DNAAF9: variants seen among roughly 807,000 people sequenced by gnomAD.
DNAAF9 encodes the protein dynein axonemal assembly factor 9, also known as shulin.
DNAAF9 carries 90 observed loss-of-function variants against 167.0 expected under a neutral mutation model. That is an observed-to-expected ratio of 0.54 (90% CI 0.45 to 0.64). The LOEUF (loss-of-function observed/expected upper bound fraction) is 0.64. Among genes scored for constraint, DNAAF9 ranks in the 30% least tolerant of loss-of-function variants. DNAAF9 has a pLI of 0.00. For synonymous variants in DNAAF9, 491 were observed against 508.8 expected (o/e 0.96, Z 0.47); for missense variants, 1,315 against 1,442.2 (o/e 0.91, Z 1.43).
At chr20:3,394,944 TTTTTC>T (rs2083881268) in intron 1 of DNAAF9, among the ~76,000 whole-genome samples, 3 of 114,426 alleles carry the variant, frequency 2.6e-5, no homozygotes, top group African/African-American at 1.2e-4. Flanking sequence ...AACATTTTCT[TTTTTC>T]TTTTTTTTTT....
chr20:3,340,447 CCA>C, intron 10 of DNAAF9, 55 bp downstream of exon 10: 1 of 366,990 alleles, frequency 2.7e-6, no homozygotes, highest in Non-Finnish European at 4.4e-6. Context: ...CCCACCCACC[CCA>C]CCCCCACAAC....
At chr20:3,328,613 G>C (rs1166559739) in intron 12 of DNAAF9, among the ~76,000 whole-genome samples, 1 of 152,102 alleles carries the variant, frequency 6.6e-6, no homozygotes. Flanking sequence ...TTTGGTTTAG[G>C]CAAAATGTTT....
chr20:3,362,138 G>T, intron 6 of DNAAF9: 1 of 1,393,244 alleles, frequency 7.2e-7, no homozygotes, highest in Non-Finnish European at 1.0e-6. Flanking sequence ...CTGTATATTC[G>T]GTTTTCATAA....
rs1389050837 is a variant in DNAAF9 at position 3,250,502 on chromosome 20, T to G, written c.*2070A>C. On this transcript the variant is annotated 3_prime_UTR_variant, in exon 37 of 37. Coordinates refer to ENST00000252032, the MANE Select transcript of DNAAF9 (RefSeq NM_001009984.3). ...ATGCTTCTTCACGTTTTGACTTTTT[T>G]CAATCACAGTTTCATATTCAAGTTG... 6.6e-6 allele frequency: 1 copy of G among 152,250 alleles called. No individual in the cohort carries two copies. The highest frequency in any genetic ancestry group is 1.5e-5 in the Non-Finnish European group (1 of 68,052). 9.4% of individuals were successfully genotyped at this position (152,250 alleles called of 1,614,324 possible). A position where few individuals can be genotyped will look rare whatever the true frequency, so the allele number is the denominator to read the frequency against.
intron 23 of DNAAF9, among the ~76,000 whole-genome samples, chr20:3,295,229 G>A (rs899913003): frequency 5.9e-5 from 9 of 151,622 alleles, no homozygotes; most frequent in Admixed American, 3.9e-4. Flanking sequence ...CTGGAATGCA[G>A]TGGCACGATC....
In DNAAF9 at chr20:3,316,711, A is replaced by C; in HGVS notation, c.1539+12T>G. On this transcript the variant is annotated intron_variant, in intron 18 of 36. Coordinates refer to ENST00000252032, the MANE Select transcript of DNAAF9 (RefSeq NM_001009984.3). Reference sequence around the variant, plus strand: ...CACGTAGGTCCACTTCCACCTGATGAATGACACTAACCAGCCAGGAGCAGA... The same window carrying C: ...CACGTAGGTCCACTTCCACCTGATGCATGACACTAACCAGCCAGGAGCAGA... 6.2e-7 allele frequency: 1 copy of C among 1,604,480 alleles called. No homozygotes were observed. Among genetic ancestry groups the C allele is most frequent in the Non-Finnish European group, 8.5e-7 (1 of 1,171,486 alleles).
At chr20:3,340,454 C>CCCCCCCCCTTAAA in intron 10 of DNAAF9, 50 bp downstream of exon 10, 1 of 1,053,078 alleles carries the variant, frequency 9.5e-7, no homozygotes, top group Admixed American at 2.4e-5. Context: ...ACCCCACCCC[C>CCCCCCCCCTTAAA]ACAACTTGAT....
rs1235887147 is a variant in DNAAF9, at chr20:3,382,499, G to T, written c.91C>A (p.Arg31=). ...SRGSPSVSCS[R]LRQVQSILTQ... ...AGGATGCTCTGAACCTGCCGAAGTC[G>T]ACTGCAGCTGCAACAAGAACAGAAA... The change falls in exon 2 of 37, where the codon CGA becomes AGA. Residue 31 remains arginine, a synonymous_variant. Transcript: ENST00000252032. 3 of 1,613,566 alleles carry T rather than the reference G, an allele frequency of 1.9e-6. No homozygotes were observed. The highest frequency in any genetic ancestry group is 2.2e-5 in the South Asian group (2 of 91,048).
chr20:3,261,493 G>A (rs1050721345), intron 31 of DNAAF9, among the ~76,000 whole-genome samples: 4 of 151,376 alleles, frequency 2.6e-5, no homozygotes, highest in Admixed American at 6.6e-5. Context: ...TCAGCCTCCC[G>A]AGTAGCTGGG....
rs187790320 is a variant in DNAAF9 at position 3,261,477 on chromosome 20, T to G, written c.2874-1449A>C. On this transcript the variant is annotated intron_variant, in intron 31 of 36. Transcript: ENST00000252032. ...TCCACCTCCCAGGTTCAAGCAATTC[T>G]CCCCCTCAGCCTCCCGAGTAGCTGG... Among the ~76,000 whole-genome samples the G allele has an allele frequency of 9.0e-3, 1,364 of 152,010 alleles. 20 individuals carry two copies. Among genetic ancestry groups the G allele is most frequent in the African/African-American group, 0.032 (1,310 of 41,436 alleles).
At chr20:3,287,592 A>G in intron 27 of DNAAF9, 40 bp downstream of exon 27, 1 of 1,601,342 alleles carries the variant, frequency 6.2e-7, no homozygotes, top group Middle Eastern at 1.7e-4. Context: ...CAAGGTCATC[A>G]CCCTGATTCG....
intron 35 of DNAAF9, 52 bp downstream of exon 35, chr20:3,255,167 G>T: frequency 8.8e-7 from 1 of 1,132,888 alleles, no homozygotes. Flanking sequence ...AGCTAGGCAA[G>T]CCGAGGACAG....
At chr20:3,393,561 T>C (rs2083858511) in intron 1 of DNAAF9, among the ~76,000 whole-genome samples, 1 of 152,222 alleles carries the variant, frequency 6.6e-6, no homozygotes, top group African/African-American at 2.4e-5. Context: ...ACTGTTGTAC[T>C]GTATTATTTT....
intron 6 of DNAAF9, among the ~76,000 whole-genome samples, chr20:3,371,303 T>A (rs1367630062): frequency 6.6e-6 from 1 of 151,748 alleles, no homozygotes; most frequent in Non-Finnish European, 1.5e-5. Context: ...AGAGAAATTT[T>A]CTCAATTATT....
At chr20:3,345,763 C>T (rs900217319) in intron 8 of DNAAF9, among the ~76,000 whole-genome samples, 13 of 152,120 alleles carry the variant, frequency 8.5e-5, no homozygotes, top group African/African-American at 3.1e-4. Context: ...TATAAACAAA[C>T]CAACTGACAA....
At chr20:3,357,658 G>C (rs1400807401) in intron 7 of DNAAF9, among the ~76,000 whole-genome samples, 1 of 151,648 alleles carries the variant, frequency 6.6e-6, no homozygotes, top group Non-Finnish European at 1.5e-5. Context: ...ATTTCATTTT[G>C]TATTGTTATT....
intron 28 of DNAAF9, among the ~76,000 whole-genome samples, chr20:3,280,692 T>C (rs1322170540): frequency 6.6e-6 from 1 of 152,070 alleles, no homozygotes; most frequent in Non-Finnish European, 1.5e-5. Flanking sequence ...CACAGCTCAC[T>C]GCAGCCTCAA....
rs200104613 is a variant in DNAAF9 at position 3,256,055 on chromosome 20, G to A, written c.3212C>T (p.Ser1071Phe). The change falls in exon 34 of 37, where the codon TCC (serine) becomes TTC (phenylalanine). Residue 1071 changes from serine to phenylalanine, a missense_variant. Around this residue, in one of 2 missense-constraint regions of DNAAF9, gnomAD observed 334 missense variants for 429.7 expected, o/e 0.78. Coordinates refer to ENST00000252032, the MANE Select transcript of DNAAF9 (RefSeq NM_001009984.3). Reference protein sequence around the residue: ...QECYLVFIGCSLKEDSIKDWL... With the variant: ...QECYLVFIGCFLKEDSIKDWL... ...GTCCTTGATGCTGTCTTCCTTCAGG[G>A]AGCAGCCGATGAACACAAGGTAGCA... 1,876 of 1,613,942 alleles carry A rather than the reference G, an allele frequency of 1.2e-3. 6 individuals carry two copies. The highest frequency in any genetic ancestry group is 2.2e-3 in the Admixed American group (132 of 60,022).
rs774375597 is a variant in DNAAF9, at chr20:3,392,473, C to T, written c.84-9967G>A. Reference sequence around the variant, plus strand: ...ATGTAGTTTGCCCAAGATCACAAAGCTAAGTAAAGATTAACATCATCAGAA... The same window carrying T: ...ATGTAGTTTGCCCAAGATCACAAAGTTAAGTAAAGATTAACATCATCAGAA... On this transcript the variant is annotated intron_variant, in intron 1 of 36. Coordinates refer to ENST00000252032, the MANE Select transcript of DNAAF9 (RefSeq NM_001009984.3). 1.6e-3 allele frequency among the ~76,000 whole-genome samples: 241 copies of T among 152,188 alleles called. 1 individual carries two copies. The highest frequency in any genetic ancestry group is 2.6e-3 in the Non-Finnish European group (179 of 68,022).
Sources: allele counts gnomAD v4.1 joint callset (sites outside exome capture counted in the v4.1 genomes callset), GRCh38; gene constraint gnomAD v4.1.1; regional missense constraint gnomAD v4.1.1; transcripts MANE v1.5; gene names NCBI Gene and HGNC (gene_info 2026-07-23, HGNC 2026-07-21).